SPINK5: variants seen among roughly 807,000 people sequenced by gnomAD.
SPINK5 encodes the protein serine peptidase inhibitor Kazal type 5, also known as serine protease inhibitor Kazal-type 5.
Under a neutral mutation model 151.8 loss-of-function variants are expected in SPINK5, and 125 were observed. The ratio of observed to expected loss-of-function variants is 0.82; its 90% CI spans 0.71 to 0.96. The LOEUF (loss-of-function observed/expected upper bound fraction) is 0.96. Among genes scored for constraint, SPINK5 ranks in the 40% least tolerant of loss-of-function variants. The pLI is 0.00. For synonymous variants in SPINK5, 374 were observed against 395.3 expected, an observed-to-expected ratio of 0.95 and a Z score of 0.64; for missense variants, 1,194 against 1,291.9, an observed-to-expected ratio of 0.92 and a Z score of 1.16.
intron 13 of SPINK5, 132 bp from the exon 14 acceptor site, chr5:148,101,223 G>A: frequency 1.4e-6 from 1 of 706,392 alleles, no homozygotes. Context: ...CACAGTGTAA[G>A]CACAGGGTTA....
chr5:148,091,247 G>A lies in SPINK5; in HGVS notation c.666+19G>A, dbSNP rs751809433. ...TGAAAAGGTAAAATGACTCACCAACGCAATTTTGTTCTTGTGGCCATATTT... is the reference window on the plus strand; with the variant it reads ...TGAAAAGGTAAAATGACTCACCAACACAATTTTGTTCTTGTGGCCATATTT... On this transcript the variant is annotated intron_variant, in intron 8 of 32. Coordinates refer to ENST00000256084, the MANE Select transcript of SPINK5 (RefSeq NM_006846.4). 2.5e-5 allele frequency: 40 copies of A among 1,608,502 alleles called. No homozygotes were observed. Among genetic ancestry groups the A allele is most frequent in the South Asian group, 7.7e-5 (7 of 90,770 alleles).
intron 22 of SPINK5, among the ~76,000 whole-genome samples, chr5:148,117,412 A>G (rs1754123878): frequency 1.3e-5 from 2 of 152,174 alleles, no homozygotes; most frequent in South Asian, 4.1e-4. Flanking sequence ...AGAGACCTGC[A>G]CATTTTTTTC....
intron 4 of SPINK5, among the ~76,000 whole-genome samples, chr5:148,073,599 A>G (rs1752797730): frequency 6.6e-6 from 1 of 151,914 alleles, no homozygotes; most frequent in East Asian, 1.9e-4. Context: ...TGATATATCT[A>G]TAGTGTTTAA....
At chr5:148,127,753 G>A (rs895424318) in intron 30 of SPINK5, among the ~76,000 whole-genome samples, 6 of 152,092 alleles carry the variant, frequency 3.9e-5, no homozygotes, top group African/African-American at 1.4e-4. Flanking sequence ...AGCTACTTGG[G>A]AGGCTGAGGT....
rs1752760370 is a variant in SPINK5, at chr5:148,072,275, T to C, written c.282+55T>C. 1.9e-6 allele frequency: 3 copies of C among 1,554,846 alleles called. No homozygotes were observed. In the South Asian group the frequency reaches 3.3e-5, roughly 17 times the overall value. On this transcript the variant is annotated intron_variant, in intron 4 of 32. Coordinates refer to ENST00000256084, the MANE Select transcript of SPINK5 (RefSeq NM_006846.4). ...TTTTGAGAGGATGTTTGACTCTATT[T>C]AGAGCTATCTGTTTATTCCTTAATT...
intron 22 of SPINK5, among the ~76,000 whole-genome samples, chr5:148,117,348 T>C (rs73271146): frequency 0.014 from 2,204 of 152,316 alleles, 61 homozygotes; most frequent in African/African-American, 0.05. Context: ...TCCTTGACAT[T>C]TTGCATAACT....
intron 10 of SPINK5, 78 bp downstream of exon 10, chr5:148,095,983 A>G: frequency 2.6e-5 from 28 of 1,092,462 alleles, no homozygotes; most frequent in Non-Finnish European, 3.7e-5. Flanking sequence ...TGCATATTAC[A>G]TAGTATGCAC....
At chr5:148,130,922 A>C (rs918735552) in intron 30 of SPINK5, among the ~76,000 whole-genome samples, 3 of 152,148 alleles carry the variant, frequency 2.0e-5, no homozygotes, top group Non-Finnish European at 2.9e-5. Flanking sequence ...CCTTCACTTA[A>C]AAAGGCGAAT....
intron 10 of SPINK5, among the ~76,000 whole-genome samples, chr5:148,096,722 CT>C (rs1753472497): frequency 6.8e-6 from 1 of 148,110 alleles, no homozygotes; most frequent in Admixed American, 6.7e-5. Context: ...TTCTTTCTTT[CT>C]TTTTTTCTTT....
At chr5:148,081,061 A>G (rs528273909) in intron 4 of SPINK5, among the ~76,000 whole-genome samples, 2 of 151,684 alleles carry the variant, frequency 1.3e-5, no homozygotes, top group Non-Finnish European at 3.0e-5. Flanking sequence ...AATTAAAACC[A>G]CAATGGTGTA....
chr5:148,094,622 A>G, intron 9 of SPINK5, 141 bp downstream of exon 9: 1 of 1,341,478 alleles, frequency 7.5e-7, no homozygotes, highest in Non-Finnish European at 1.0e-6. Flanking sequence ...ACAAATCATA[A>G]TGCCACCTAG....
chr5:148,066,273 T>G (rs553644597), intron 2 of SPINK5, among the ~76,000 whole-genome samples: 88 of 152,274 alleles, frequency 5.8e-4, no homozygotes, highest in Admixed American at 1.2e-3. Flanking sequence ...TTTAATCTAT[T>G]TGAAAGATAG....
At chr5:148,104,014 T>C (rs1753715805) in intron 15 of SPINK5, among the ~76,000 whole-genome samples, 2 of 152,290 alleles carry the variant, frequency 1.3e-5, no homozygotes, top group Admixed American at 1.3e-4. Context: ...ATTTCCATCA[T>C]ATGCCTAGTT....
intron 3 of SPINK5, among the ~76,000 whole-genome samples, chr5:148,070,825 G>A (rs1752718036): frequency 1.3e-5 from 2 of 152,074 alleles, no homozygotes; most frequent in Non-Finnish European, 2.9e-5. Flanking sequence ...TTGCAGCCTA[G>A]GGACTGAGAA....
In SPINK5 at chr5:148,114,561, G is replaced by A. The variant is rs11955979; in HGVS notation, c.2015+72G>A. 2.9e-3 allele frequency: 4,637 copies of A among 1,598,710 alleles called. 116 individuals are homozygous for A. The African/African-American group carries it at 0.054, about 18-fold the overall frequency. On this transcript the variant is annotated intron_variant, in intron 21 of 32. Coordinates refer to ENST00000256084, the MANE Select transcript of SPINK5 (RefSeq NM_006846.4). ...AAGCAATGAGCCAGGCAAATAATATGTATTGTGTTTGTCCTTTCCTTACAT... is the reference window on the plus strand; with the variant it reads ...AAGCAATGAGCCAGGCAAATAATATATATTGTGTTTGTCCTTTCCTTACAT...
intron 30 of SPINK5, among the ~76,000 whole-genome samples, chr5:148,127,520 G>A (rs918071094): frequency 1.3e-5 from 2 of 151,892 alleles, no homozygotes; most frequent in Admixed American, 1.3e-4. Context: ...ATAAATTTCC[G>A]CCAATTAGCA....
intron 15 of SPINK5, among the ~76,000 whole-genome samples, chr5:148,102,858 A>G (rs1009330256): frequency 2.0e-5 from 3 of 152,144 alleles, no homozygotes; most frequent in Non-Finnish European, 2.9e-5. Context: ...GAAAAAGACA[A>G]GAATGGAGAT....
chr5:148,119,162 C>A, intron 24 of SPINK5, 104 bp downstream of exon 24: 1 of 1,149,848 alleles, frequency 8.7e-7, no homozygotes, highest in Non-Finnish European at 1.3e-6. Context: ...CTAGAGCTTG[C>A]CCTTAGAAGG....
rs781071677 is a variant in SPINK5, at chr5:148,089,513, G to A, written c.494G>A (p.Arg165Gln). 9.3e-6 allele frequency: 15 copies of A among 1,611,418 alleles called. No individual in the cohort carries two copies. Among genetic ancestry groups the A allele is most frequent in the African/African-American group, 1.3e-5 (1 of 74,574 alleles). Residue 165 changes from arginine to glutamine, a missense_variant, in exon 7 of 33, where the codon CGG (arginine) becomes CAG (glutamine). Coordinates refer to ENST00000256084, the MANE Select transcript of SPINK5 (RefSeq NM_006846.4). ...NPEQDVCSAFRPFVRDGRLGC... is the reference protein window; with the variant it reads ...NPEQDVCSAFQPFVRDGRLGC... ...CTTCAGGATGTATGCAGTGCTTTTC[G>A]GCCCTTTGTTAGAGATGGAAGACTT... is the stretch of plus-strand genomic sequence containing the variant.
Sources: allele counts gnomAD v4.1 joint callset (sites outside exome capture counted in the v4.1 genomes callset), GRCh38; gene constraint gnomAD v4.1.1; transcripts MANE v1.5; gene names NCBI Gene and HGNC (gene_info 2026-07-23, HGNC 2026-07-21).